Variants in HSP90B1 observed in about 807,000 individuals in gnomAD.
HSP90B1 encodes the protein heat shock protein 90 beta family member 1.
HSP90B1 carries 27 observed loss-of-function variants against 100.4 expected under a neutral mutation model. The ratio of observed to expected loss-of-function variants is 0.27; its 90% CI spans 0.20 to 0.37. HSP90B1 has a LOEUF of 0.37. HSP90B1 is among the 10% of genes least tolerant of loss of function. The probability of loss-of-function intolerance (pLI) is 1.00; values close to 1 mark genes in which losing one functional copy is unlikely to be tolerated. For missense variants in HSP90B1, 678 were observed against 960.5 expected, an observed-to-expected ratio of 0.71 and a Z score of 3.89; for synonymous variants, 304 against 330.8, an observed-to-expected ratio of 0.92 and a Z score of 0.88.
In HSP90B1 at chr12:103,937,939, G is replaced by T. The variant is rs970999368; in HGVS notation, c.855+133G>T. On this transcript the variant is annotated intron_variant, in intron 6 of 17. Coordinates refer to ENST00000299767, the MANE Select transcript of HSP90B1 (RefSeq NM_003299.3). ...CCCCGCACTTTGGGAGGCCGAGACA[G>T]GTGGATCACCTGAGGTCAGGAGTTC... 15 of 541,312 alleles carry T rather than the reference G, an allele frequency of 2.8e-5. No homozygotes were observed. The African/African-American group carries it at 2.9e-4, about 11-fold the overall frequency. 33.5% of individuals were successfully genotyped at this position (541,312 alleles called of 1,614,324 possible). A position where few individuals can be genotyped will look rare whatever the true frequency, so the allele number is the denominator to read the frequency against.
intron 12 of HSP90B1, 80 bp from the exon 13 acceptor site, chr12:103,942,994 G>C (rs1162065027): frequency 5.2e-6 from 8 of 1,551,092 alleles, no homozygotes; most frequent in Non-Finnish European, 7.0e-6. Context: ...TTTTAATAAT[G>C]TATAAACATA....
chr12:103,931,275 C>T (rs1057490673), intron 1 of HSP90B1, among the ~76,000 whole-genome samples: 2 of 152,162 alleles, frequency 1.3e-5, no homozygotes, highest in African/African-American at 4.8e-5. Flanking sequence ...TATAAATGAT[C>T]GGAGACACAC....
intron 7 of HSP90B1, chr12:103,938,809 T>C (rs1869994746): frequency 6.4e-6 from 1 of 155,478 alleles, no homozygotes; most frequent in African/African-American, 2.4e-5. Flanking sequence ...TCTGGCTTGC[T>C]TAGGTAGCAG....
Position 103,931,505 on chromosome 12 carries a change from C to G in HSP90B1, c.50-16C>G. The G allele has an allele frequency of 6.3e-7, 1 of 1,591,956 alleles. No individual in the cohort carries two copies. Among genetic ancestry groups the G allele is most frequent in the South Asian group, 1.1e-5 (1 of 90,290 alleles). On this transcript the variant is annotated splice_polypyrimidine_tract_variant and intron_variant, in intron 1 of 17. Transcript: ENST00000299767. ...GAAGTGTGATGTTGAAGAGTTTGCCCGTGTTAAATCTTCAGGGTCGGTCAG... is the reference window on the plus strand; with the variant it reads ...GAAGTGTGATGTTGAAGAGTTTGCCGGTGTTAAATCTTCAGGGTCGGTCAG...
At chr12:103,937,631 A>T in intron 5 of HSP90B1, 64 bp from the exon 6 acceptor site, 1 of 805,092 alleles carries the variant, frequency 1.2e-6, no homozygotes, top group African/African-American at 1.7e-5. Flanking sequence ...CATGGTATTT[A>T]AATGAATTTA....
At position 103,945,874 on chromosome 12, in the gene HSP90B1, A is replaced by T. The variant is rs189507803; in HGVS notation, c.2028-744A>T. Among the ~76,000 whole-genome samples, 21 of 152,294 alleles carry T rather than the reference A, an allele frequency of 1.4e-4. No individual in the cohort carries two copies. The East Asian group carries it at 3.9e-3, about 28-fold the overall frequency. On this transcript the variant is annotated intron_variant, in intron 14 of 17. Transcript: ENST00000299767. ...TGAGGTGAGAGGATCACTTGAGGCC[A>T]AGAGTTCAAGACTAGCCTGTGCAAT...
At chr12:103,942,447 C>T (rs893006088) in intron 11 of HSP90B1, 80 bp from the exon 12 acceptor site, 2 of 1,323,152 alleles carry the variant, frequency 1.5e-6, no homozygotes, top group East Asian at 4.7e-5. Flanking sequence ...TTGTGTTTTT[C>T]ACACTCCTGC....
chr12:103,931,647 T>G, intron 2 of HSP90B1, 24 bp downstream of exon 2: 1 of 1,518,880 alleles, frequency 6.6e-7, no homozygotes, highest in Non-Finnish European at 9.1e-7. Flanking sequence ...TGAACTTACG[T>G]ATACAGATAA....
rs141254870 is a variant in HSP90B1 at position 103,941,501 on chromosome 12, G to A, written c.1184G>A (p.Arg395His). The A allele has an allele frequency of 3.7e-6, 6 of 1,614,016 alleles. No individual in the cohort carries two copies. Among genetic ancestry groups the A allele is most frequent in the South Asian group, 2.2e-5 (2 of 91,082 alleles). The change falls in exon 9 of 18, where the codon CGT (arginine) becomes CAT (histidine). Residue 395 changes from arginine to histidine, a missense_variant. Physicochemically the swap from Arg to His is conservative, Grantham distance 29. This residue lies in a region of HSP90B1 where 44 missense variants were observed against 110.8 expected (regional missense o/e 0.40). Transcript: ENST00000299767. ...TTATTTGTACCCACATCTGCTCCAC[G>A]TGGTCTGTTTGACGAATATGGATCT... is the stretch of plus-strand genomic sequence containing the variant. ...SILFVPTSAP[R>H]GLFDEYGSKK...
intron 2 of HSP90B1, 79 bp from the exon 3 acceptor site, chr12:103,932,198 C>T (rs1464768243): frequency 2.5e-6 from 3 of 1,179,580 alleles, no homozygotes; most frequent in Non-Finnish European, 3.6e-6. Flanking sequence ...TCAGAGGCCC[C>T]TGTGCTTTCA....
chr12:103,939,271 T>A (rs960237496), intron 7 of HSP90B1, among the ~76,000 whole-genome samples: 6 of 17,424 alleles, frequency 3.4e-4, no homozygotes, highest in Non-Finnish European at 4.9e-4. Flanking sequence ...GGCTAAGTTT[T>A]AAAAATTTTT....
chr12:103,942,618 G>T lies in HSP90B1; in HGVS notation c.1466G>T (p.Gly489Val). Residue 489 changes from glycine to valine, a missense_variant, in exon 12 of 18, where the codon GGT becomes GTT. This residue lies in a region of HSP90B1 where 170 missense variants were observed against 236.7 expected (regional missense o/e 0.72). Transcript: ENST00000299767. ...KYNDTFWKEF[G>V]TNIKLGVIED... ...AATGATACTTTTTGGAAAGAATTTGGTACCAACATCAAGCTTGGTGTGATT... is the reference window on the plus strand; with the variant it reads ...AATGATACTTTTTGGAAAGAATTTGTTACCAACATCAAGCTTGGTGTGATT... The T allele has an allele frequency of 6.2e-7, 1 of 1,613,970 alleles. No homozygotes were observed. The highest frequency in any genetic ancestry group is 8.5e-7 in the Non-Finnish European group (1 of 1,179,884).
chr12:103,933,064 G>A, intron 4 of HSP90B1, 122 bp downstream of exon 4: 1 of 621,366 alleles, frequency 1.6e-6, no homozygotes, highest in South Asian at 2.0e-5. Flanking sequence ...AGTCTCAGTG[G>A]CTTGAAAGTC....
chr12:103,932,108 C>T, intron 2 of HSP90B1, 169 bp from the exon 3 acceptor site: 1 of 543,968 alleles, frequency 1.8e-6, no homozygotes, highest in South Asian at 2.7e-5. Context: ...TTAAAGGTAG[C>T]CTACTGCTGT....
Position 103,939,514 on chromosome 12 carries a change from A to C in HSP90B1, c.981A>C (p.Glu327Asp). 1 of 1,531,960 alleles carries C rather than the reference A, an allele frequency of 6.5e-7. No individual in the cohort carries two copies. Among genetic ancestry groups the C allele is most frequent in the Non-Finnish European group, 8.8e-7 (1 of 1,132,676 alleles). The allele number at this position is 1,531,960 out of a possible 1,614,324, so 94.9% of individuals were successfully genotyped here. ...EEKKPKTKKVEKTVWDWELMN... is the reference protein window; with the variant it reads ...EEKKPKTKKVDKTVWDWELMN... ...AAATACTATAATAACTTCAGGTTGA[A>C]AAAACTGTCTGGGACTGGGAACTTA... Residue 327 changes from glutamate to aspartate, a missense_variant, in exon 8 of 18, where the codon GAA (glutamate) becomes GAC (aspartate). Glu to Asp is a conservative substitution (Grantham distance 45, BLOSUM62 2). Coordinates refer to ENST00000299767, the MANE Select transcript of HSP90B1 (RefSeq NM_003299.3).
At chr12:103,939,098 CTT>C (rs34408098) in intron 7 of HSP90B1, among the ~76,000 whole-genome samples, 15 of 144,306 alleles carry the variant, frequency 1.0e-4, no homozygotes, top group African/African-American at 3.0e-4. Flanking sequence ...CTTTGGTGCC[CTT>C]TTTTTTTTTT....
rs200631616 is a variant in HSP90B1, at chr12:103,943,372, A to G, written c.1890+53A>G. The G allele has an allele frequency of 1.7e-5, 27 of 1,557,274 alleles. No individual in the cohort carries two copies. The highest frequency in any genetic ancestry group is 4.4e-6 in the Non-Finnish European group (5 of 1,134,574). ...ATATTAGTATCAGCATTTAAGAGAAAGTTATTTTGTGAACAAATTAAGCTG... is the reference window on the plus strand; with the variant it reads ...ATATTAGTATCAGCATTTAAGAGAAGGTTATTTTGTGAACAAATTAAGCTG... On this transcript the variant is annotated intron_variant, in intron 13 of 17. Transcript: ENST00000299767. This position sits in a 1 kb window ranked among gnomAD's most constrained non-coding sequence, Gnocchi z 5.3.
At chr12:103,939,261 G>A (rs1870008775) in intron 7 of HSP90B1, among the ~76,000 whole-genome samples, 2 of 6,526 alleles carry the variant, frequency 3.1e-4, no homozygotes, top group African/African-American at 1.0e-3. Context: ...CACCATGACT[G>A]GCTAAGTTTT....
At chr12:103,936,698 C>T (rs74382571) in intron 5 of HSP90B1, among the ~76,000 whole-genome samples, 7 of 151,890 alleles carry the variant, frequency 4.6e-5, no homozygotes, top group African/African-American at 1.7e-4. Context: ...AGCTTGCCAG[C>T]CCCTTGTCTA....
Sources: gnomAD v4.1 joint callset for allele counts (sites outside exome capture counted in the v4.1 genomes callset) on GRCh38, gnomAD v4.1.1 for gene constraint, gnomAD v4.1.1 regional missense constraint, Gnocchi (gnomAD v3.1) non-coding constraint, MANE v1.5 for transcripts, NCBI Gene and HGNC (gene_info 2026-07-23, HGNC 2026-07-21) for gene names.